SGPP2: variants seen among roughly 807,000 people sequenced by gnomAD.
SGPP2 encodes the protein sphingosine 1-phosphate phosphohydrolase 2.
A neutral mutation model predicts 33.9 loss-of-function variants in SGPP2; 30 were observed. That is an observed-to-expected ratio of 0.89 (90% CI 0.66 to 1.20). The LOEUF is 1.20. SGPP2 is among the 50% of genes most tolerant of loss of function. The pLI, the probability that SGPP2 is intolerant of heterozygous loss-of-function variation, is 0.00. For synonymous variants in SGPP2, 233 were observed against 225.0 expected (o/e 1.04, Z -0.32); for missense variants, 458 against 532.1 (o/e 0.86, Z 1.37).
chr2:222,525,109 CT>C, intron 4 of SGPP2, 76 bp downstream of exon 4: 1 of 989,674 alleles, frequency 1.0e-6, no homozygotes, highest in Non-Finnish European at 1.5e-6. Context: ...GTTTCTCATA[CT>C]ACTTATTTAT....
chr2:222,526,876 G>T (rs1208551204), intron 4 of SGPP2, among the ~76,000 whole-genome samples: 1 of 152,214 alleles, frequency 6.6e-6, no homozygotes, highest in African/African-American at 2.4e-5. Context: ...GGTTGGGGGT[G>T]AGGGGAGGAA....
chr2:222,530,523 C>A (rs1006564387), intron 4 of SGPP2, among the ~76,000 whole-genome samples: 1 of 152,164 alleles, frequency 6.6e-6, no homozygotes, highest in African/African-American at 2.4e-5. Flanking sequence ...TTCCTTAAAC[C>A]TCATGAACCA....
rs562806546 is a variant in SGPP2 at position 222,473,653 on chromosome 2, G to A, written c.220-915G>A. 9.6e-4 allele frequency among the ~76,000 whole-genome samples: 146 copies of A among 152,306 alleles called. 1 individual carries two copies. The highest frequency in any genetic ancestry group is 7.3e-3 in the Admixed American group (111 of 15,310). ...AATATGTTATTGTCAGGCCGGGCACGGTGGCTCACGCCCGTAATCCCAGCA... is the reference window on the plus strand; with the variant it reads ...AATATGTTATTGTCAGGCCGGGCACAGTGGCTCACGCCCGTAATCCCAGCA... On this transcript the variant is annotated intron_variant, in intron 1 of 4. Coordinates refer to ENST00000321276, the MANE Select transcript of SGPP2 (RefSeq NM_152386.4).
At chr2:222,481,487 T>C (rs1159611990) in intron 2 of SGPP2, among the ~76,000 whole-genome samples, 2 of 152,230 alleles carry the variant, frequency 1.3e-5, no homozygotes, top group Non-Finnish European at 2.9e-5. Flanking sequence ...ATATGTAAGA[T>C]GTTTAGAAGT....
chr2:222,516,336 G>A (rs575347023), intron 2 of SGPP2, among the ~76,000 whole-genome samples: 10 of 152,268 alleles, frequency 6.6e-5, no homozygotes, highest in Non-Finnish European at 8.8e-5. Flanking sequence ...ATTCATCCAC[G>A]TTGTAAGCAT....
At chr2:222,435,543 C>T (rs150406054) in intron 1 of SGPP2, among the ~76,000 whole-genome samples, 1 of 152,148 alleles carries the variant, frequency 6.6e-6, no homozygotes, top group African/African-American at 2.4e-5. Context: ...TCTTCATATA[C>T]AGATAACAAT....
intron 1 of SGPP2, among the ~76,000 whole-genome samples, chr2:222,458,098 C>T (rs933861799): frequency 9.2e-5 from 14 of 152,140 alleles, no homozygotes; most frequent in South Asian, 6.2e-4. Flanking sequence ...TGACTCAGCC[C>T]GAAGTGCAGT....
chr2:222,478,245 A>C (rs1163792090), intron 2 of SGPP2, among the ~76,000 whole-genome samples: 1 of 145,834 alleles, frequency 6.9e-6, no homozygotes, highest in Non-Finnish European at 1.5e-5. Flanking sequence ...GTGTTTGTGC[A>C]TCTTCGTGTA....
chr2:222,442,025 A>G (rs1021061951), intron 1 of SGPP2, among the ~76,000 whole-genome samples: 7 of 152,224 alleles, frequency 4.6e-5, no homozygotes, highest in African/African-American at 1.7e-4. Flanking sequence ...ACCACATGAA[A>G]TGCTAAGAAC....
rs117980241 is a variant in SGPP2, at chr2:222,498,827, T to C, written c.379-22940T>C. Among the ~76,000 whole-genome samples the C allele has an allele frequency of 7.7e-4, 118 of 152,292 alleles. No homozygotes were observed. In the East Asian group the frequency reaches 0.022, roughly 28 times the overall value. ...GAGAAGGCCTTTCAGAGGAGGTGTT[T>C]GTGTACAGGACTGACTTTACTTATA... On this transcript the variant is annotated intron_variant, in intron 2 of 4. Transcript: ENST00000321276.
chr2:222,472,002 C>G, intron 1 of SGPP2, among the ~76,000 whole-genome samples: 1 of 151,970 alleles, frequency 6.6e-6, no homozygotes, highest in East Asian at 1.9e-4. Flanking sequence ...CTGCCCACTC[C>G]CAGGGTAAGT....
At chr2:222,551,229 C>T (rs1019592904) in intron 4 of SGPP2, among the ~76,000 whole-genome samples, 8 of 152,122 alleles carry the variant, frequency 5.3e-5, no homozygotes, top group African/African-American at 1.9e-4. Context: ...ATTTTTTCCC[C>T]TCTGTTACAC....
At chr2:222,448,510 A>G (rs1697430044) in intron 1 of SGPP2, among the ~76,000 whole-genome samples, 1 of 152,238 alleles carries the variant, frequency 6.6e-6, no homozygotes, top group Admixed American at 6.5e-5. Flanking sequence ...GAGTTTACCC[A>G]CCTGCAGAGT....
intron 2 of SGPP2, among the ~76,000 whole-genome samples, chr2:222,506,070 T>C (rs1043320752): frequency 3.9e-5 from 6 of 152,154 alleles, no homozygotes; most frequent in Non-Finnish European, 7.3e-5. Flanking sequence ...TATAATGGCA[T>C]AAATTAATTG....
At chr2:222,442,233 A>G (rs1697335470) in intron 1 of SGPP2, among the ~76,000 whole-genome samples, 2 of 152,184 alleles carry the variant, frequency 1.3e-5, no homozygotes, top group South Asian at 2.1e-4. Context: ...TGTTTCTTTA[A>G]AAGTTGCTTT....
intron 1 of SGPP2, among the ~76,000 whole-genome samples, chr2:222,434,113 C>A (rs753926607): frequency 2.0e-5 from 3 of 152,116 alleles, no homozygotes; most frequent in Non-Finnish European, 2.9e-5. Context: ...TTCCAGGCAA[C>A]GCATCAAGAG....
chr2:222,524,206 G>C (rs1440402898), intron 3 of SGPP2, among the ~76,000 whole-genome samples: 2 of 152,220 alleles, frequency 1.3e-5, no homozygotes, highest in Non-Finnish European at 2.9e-5. Flanking sequence ...GCTATGTGAA[G>C]ACTAAAGGAG....
At chr2:222,437,870 C>A (rs1697268356) in intron 1 of SGPP2, among the ~76,000 whole-genome samples, 1 of 152,098 alleles carries the variant, frequency 6.6e-6, no homozygotes, top group Admixed American at 6.6e-5. Flanking sequence ...CTGGAGACTC[C>A]CACTGTGAGT....
intron 2 of SGPP2, among the ~76,000 whole-genome samples, chr2:222,503,412 T>C (rs999555733): frequency 6.6e-6 from 1 of 152,202 alleles, no homozygotes; most frequent in Non-Finnish European, 1.5e-5. Flanking sequence ...GATTTATTTG[T>C]ATAGGTTCAC....
Sources: allele counts gnomAD v4.1 joint callset (sites outside exome capture counted in the v4.1 genomes callset), GRCh38; gene constraint gnomAD v4.1.1; transcripts MANE v1.5; gene names NCBI Gene and HGNC (gene_info 2026-07-23, HGNC 2026-07-21).